SMARCAL1: variants seen among roughly 807,000 people sequenced by gnomAD.
SMARCAL1 encodes the protein ATP-driven annealing helicase.
In SMARCAL1, 58 loss-of-function variants were observed where a neutral mutation model predicts 94.5. The ratio of observed to expected loss-of-function variants is 0.61; its 90% CI spans 0.50 to 0.76. The LOEUF is 0.76. Among genes scored for constraint, SMARCAL1 ranks in the 30% least tolerant of loss-of-function variants. The pLI, the probability that SMARCAL1 is intolerant of heterozygous loss-of-function variation, is 0.00. For missense variants in SMARCAL1, 1,051 were observed against 1,177.9 expected, an observed-to-expected ratio of 0.89 and a Z score of 1.58; for synonymous variants, 422 against 455.1, an observed-to-expected ratio of 0.93 and a Z score of 0.93.
chr2:216,458,423 A>C (rs1694620121), intron 12 of SMARCAL1, among the ~76,000 whole-genome samples: 1 of 152,246 alleles, frequency 6.6e-6, no homozygotes, highest in African/African-American at 2.4e-5. Context: ...CATCAATGCA[A>C]AAATCCTCAA....
At chr2:216,445,980 A>C (rs183948949) in intron 10 of SMARCAL1, among the ~76,000 whole-genome samples, 1 of 152,358 alleles carries the variant, frequency 6.6e-6, no homozygotes, top group Admixed American at 6.5e-5. Flanking sequence ...TACTGTCATT[A>C]ACTCAAGGTT....
intron 12 of SMARCAL1, among the ~76,000 whole-genome samples, chr2:216,457,820 A>G (rs1467111590): frequency 6.6e-6 from 1 of 152,236 alleles, no homozygotes; most frequent in African/African-American, 2.4e-5. Flanking sequence ...GCAGAAGGCA[A>G]GAAATAACTA....
Position 216,468,035 on chromosome 2 carries a change from C to G in SMARCAL1, c.2233C>G (p.Leu745Val), listed in dbSNP as rs1694868400. 2.5e-6 allele frequency: 4 copies of G among 1,612,092 alleles called. No homozygotes were observed. Among genetic ancestry groups the G allele is most frequent in the Non-Finnish European group, 3.4e-6 (4 of 1,178,170 alleles). ...GGTCCTGGACGCAATTACGCAAGAG[C>G]TTGAGAGAAAGGTGAGCTCCCTTTG... ...KVVLDAITQE[L>V]ERKHVQHIRI... The change falls in exon 14 of 18, where the codon CTT becomes GTT. Residue 745 changes from leucine to valine, a missense_variant. Leu to Val is a conservative substitution (Grantham distance 32, BLOSUM62 1). This residue lies in a region of SMARCAL1 where 642 missense variants were observed against 754.7 expected (regional missense o/e 0.85). Transcript: ENST00000357276.
chr2:216,470,556 C>T (rs372534167), intron 14 of SMARCAL1, among the ~76,000 whole-genome samples: 2 of 150,868 alleles, frequency 1.3e-5, no homozygotes, highest in African/African-American at 4.9e-5. Flanking sequence ...GGCACGAATG[C>T]TGCTCACTGA....
At chr2:216,446,666 C>T (rs1458887223) in intron 10 of SMARCAL1, 4 of 473,958 alleles carry the variant, frequency 8.4e-6, no homozygotes, top group African/African-American at 2.0e-5. Context: ...TTGCAGCATA[C>T]GGTGAACATT....
chr2:216,420,088 A>C (rs572280435), intron 4 of SMARCAL1, among the ~76,000 whole-genome samples: 394 of 151,884 alleles, frequency 2.6e-3, no homozygotes, highest in African/African-American at 8.9e-3. Context: ...GGAAAGTTAC[A>C]TTCAGCAAAT....
intron 7 of SMARCAL1, among the ~76,000 whole-genome samples, chr2:216,431,520 A>G (rs1215111550): frequency 6.6e-6 from 1 of 152,186 alleles, no homozygotes; most frequent in Non-Finnish European, 1.5e-5. Flanking sequence ...GTGGAATAGT[A>G]GTTATGATAG....
Position 216,435,349 on chromosome 2 carries a change from G to A in SMARCAL1, c.1497G>A (p.Arg499=), listed in dbSNP as rs749708704. Residue 499 remains arginine, a synonymous_variant, in exon 9 of 18, where the codon CGG becomes CGA. Transcript: ENST00000357276. The part of the protein sequence containing the change: ...VRFTWEQAFL[R]WLPSLSPDCI... ...CCTGTCATCCACAGGCCTTCCTTCGGTGGCTGCCATCTCTGAGCCCAGATT... is the reference window on the plus strand; with the variant it reads ...CCTGTCATCCACAGGCCTTCCTTCGATGGCTGCCATCTCTGAGCCCAGATT... 3.7e-6 allele frequency: 6 copies of A among 1,613,972 alleles called. No homozygotes were observed. In the East Asian group the frequency reaches 6.7e-5, roughly 18 times the overall value.
At chr2:216,452,027 T>C (rs1478028589) in intron 12 of SMARCAL1, among the ~76,000 whole-genome samples, 1 of 152,256 alleles carries the variant, frequency 6.6e-6, no homozygotes, top group East Asian at 1.9e-4. Context: ...GATTCATTGA[T>C]AACTTTTAAG....
At chr2:216,440,391 T>C (rs1418673217) in intron 10 of SMARCAL1, among the ~76,000 whole-genome samples, 1 of 152,238 alleles carries the variant, frequency 6.6e-6, no homozygotes, top group Non-Finnish European at 1.5e-5. Flanking sequence ...TAGTGGTTTC[T>C]GAAATGTGTG....
chr2:216,464,690 CCTCT>C (rs201474101), intron 13 of SMARCAL1, 23 bp downstream of exon 13: 27 of 1,466,710 alleles, frequency 1.8e-5, no homozygotes, highest in Admixed American at 3.5e-5. Context: ...TAAGTGTCGA[CCTCT>C]CTCTCTCTCA....
chr2:216,482,591 G>C lies in SMARCAL1; in HGVS notation c.2626-147G>C. On this transcript the variant is annotated intron_variant, in intron 17 of 17. Transcript: ENST00000357276. The surrounding 1 kb of genome is among the most constrained non-coding windows in gnomAD (Gnocchi z 4.3). ...TGCTTTAGTGATGGTTTGCTGAGAT[G>C]ATGCACACTTGCCATCGTGTAGCTC... 9.2e-7 allele frequency: 1 copy of C among 1,089,704 alleles called. No individual in the cohort carries two copies. Among genetic ancestry groups the C allele is most frequent in the Non-Finnish European group, 1.4e-6 (1 of 717,928 alleles). The allele number at this position is 1,089,704 out of a possible 1,614,324, so 67.5% of individuals were successfully genotyped here.
intron 3 of SMARCAL1, 188 bp from the exon 4 acceptor site, chr2:216,416,069 C>G: frequency 1.7e-6 from 1 of 582,846 alleles, no homozygotes; most frequent in East Asian, 3.4e-5. Context: ...TTGGATTCCA[C>G]TACATGGAAT....
At chr2:216,424,861 G>C (rs1693796459) in intron 6 of SMARCAL1, among the ~76,000 whole-genome samples, 1 of 152,188 alleles carries the variant, frequency 6.6e-6, no homozygotes, top group African/African-American at 2.4e-5. Context: ...GTGATCTTGA[G>C]ACTCTCTGGC....
chr2:216,445,837 A>G lies in SMARCAL1; in HGVS notation c.1711-1181A>G, dbSNP rs552056609. Among the ~76,000 whole-genome samples the G allele has an allele frequency of 5.3e-5, 8 of 152,318 alleles. No individual in the cohort carries two copies. In the South Asian group the frequency reaches 1.7e-3, roughly 32 times the overall value. On this transcript the variant is annotated intron_variant, in intron 10 of 17. Transcript: ENST00000357276. ...CAAATGCGTTTAGATAATTGTGTAT[A>G]TTGTATATTTATAAAGAATGATTTT...
At chr2:216,460,037 A>T (rs551842121) in intron 12 of SMARCAL1, among the ~76,000 whole-genome samples, 1 of 152,368 alleles carries the variant, frequency 6.6e-6, no homozygotes, top group East Asian at 1.9e-4. Flanking sequence ...ATATGAACAG[A>T]CACTTCTCAA....
rs542003893 is a variant in SMARCAL1, at chr2:216,444,813, G to C, written c.1711-2205G>C. On this transcript the variant is annotated intron_variant, in intron 10 of 17. Coordinates refer to ENST00000357276, the MANE Select transcript of SMARCAL1 (RefSeq NM_014140.4). ...ATTGCAGGCGTGAGCCATCATGCCC[G>C]GTCAACTCTTAATTTTAAAACTATG... Among the ~76,000 whole-genome samples, 3 of 152,088 alleles carry C rather than the reference G, an allele frequency of 2.0e-5. 1 individual carries two copies. In the South Asian group the frequency reaches 6.2e-4, roughly 32 times the overall value.
rs1694785721 is a variant in SMARCAL1 at position 216,464,483 on chromosome 2, ACT to A, written c.2071-111_2071-110del. The A allele has an allele frequency of 1.2e-5, 10 of 832,740 alleles. No individual in the cohort carries two copies. The Admixed American group carries it at 1.5e-4, about 13-fold the overall frequency. The allele number at this position is 832,740 out of a possible 1,614,324, so 51.6% of individuals were successfully genotyped here. A position where few individuals can be genotyped will look rare whatever the true frequency, so the allele number is the denominator to read the frequency against. On this transcript the variant is annotated intron_variant, in intron 12 of 17. Coordinates refer to ENST00000357276, the MANE Select transcript of SMARCAL1 (RefSeq NM_014140.4). ...TCATTGTCAGCACCAGGGTCTCCTGACTCTGGTGACGGGTGGTTGAGATTTGT... is the reference window on the plus strand; with the variant it reads ...TCATTGTCAGCACCAGGGTCTCCTGACTGGTGACGGGTGGTTGAGATTTGT...
Position 216,435,462 on chromosome 2 carries a change from A to G in SMARCAL1, c.1610A>G (p.Lys537Arg). The G allele has an allele frequency of 6.2e-7, 1 of 1,614,178 alleles. No individual in the cohort carries two copies. The highest frequency in any genetic ancestry group is 8.5e-7 in the Non-Finnish European group (1 of 1,180,020). The change falls in exon 9 of 18, where the codon AAA (lysine) becomes AGA (arginine). Residue 537 changes from lysine (K) to arginine (R), a missense_variant. Physicochemically the swap from Lys to Arg is conservative, Grantham distance 26. This residue lies in a region of SMARCAL1 where 642 missense variants were observed against 754.7 expected (regional missense o/e 0.85). Transcript: ENST00000357276. ...VSFDLLSKLE[K>R]QLKTPFKVVI... ...TTTGACCTTCTTAGCAAGTTGGAAAAACAGCTAAAAACCCCTTTTAAAGTT... is the reference window on the plus strand; with the variant it reads ...TTTGACCTTCTTAGCAAGTTGGAAAGACAGCTAAAAACCCCTTTTAAAGTT...
Sources: allele counts gnomAD v4.1 joint callset (sites outside exome capture counted in the v4.1 genomes callset), GRCh38; gene constraint gnomAD v4.1.1; regional missense constraint gnomAD v4.1.1; non-coding constraint Gnocchi (gnomAD v3.1); transcripts MANE v1.5; gene names NCBI Gene and HGNC (gene_info 2026-07-23, HGNC 2026-07-21).